ADGRL4: variants seen among roughly 807,000 people sequenced by gnomAD.
ADGRL4 encodes adhesion G protein-coupled receptor L4.
ADGRL4 carries 90 observed loss-of-function variants against 74.8 expected under a neutral mutation model. That is an observed-to-expected ratio of 1.20 (90% confidence interval 1.02 to 1.43). The LOEUF is 1.43. Ranked by LOEUF, ADGRL4 falls within the 40% of genes most tolerant of loss-of-function variation. The pLI, the probability that ADGRL4 is intolerant of heterozygous loss-of-function variation, is 0.00. For missense variants in ADGRL4, 881 were observed against 814.3 expected, an observed-to-expected ratio of 1.08 and a Z score of -1.00; for synonymous variants, 311 against 279.2, an observed-to-expected ratio of 1.11 and a Z score of -1.14.
intron 2 of ADGRL4, among the ~76,000 whole-genome samples, chr1:78,979,521 C>G (rs916332904): frequency 6.6e-6 from 1 of 151,916 alleles, no homozygotes; most frequent in African/African-American, 2.4e-5. Context: ...ACAGAACTAC[C>G]ATTTCATCCA....
At chr1:79,004,139 A>C (rs954183329) in intron 2 of ADGRL4, among the ~76,000 whole-genome samples, 1 of 152,136 alleles carries the variant, frequency 6.6e-6, no homozygotes. Flanking sequence ...AACAATATAC[A>C]ATATCCTGGC....
rs1182672291 is a variant in ADGRL4, at chr1:78,999,842, A to AT, written c.172+5227_172+5228insA. Among the ~76,000 whole-genome samples the AT allele has an allele frequency of 1.9e-3, 275 of 147,332 alleles. 2 individuals carry two copies. The highest frequency in any genetic ancestry group is 7.2e-3 in the Admixed American group (105 of 14,634). ...TATCTATCTATCTATCTATCTATCTACCTACCTACCTACCTATCAACTTTA... is the reference window on the plus strand; with the variant it reads ...TATCTATCTATCTATCTATCTATCTATCCTACCTACCTACCTATCAACTTTA... On this transcript the variant is annotated intron_variant, in intron 2 of 14. Transcript: ENST00000370742.
Position 78,952,173 on chromosome 1 carries a change from G to A in ADGRL4, c.173-5747C>T, listed in dbSNP as rs72947648. On this transcript the variant is annotated intron_variant, in intron 2 of 14. Coordinates refer to ENST00000370742, the MANE Select transcript of ADGRL4 (RefSeq NM_022159.4). ...TTGATTATAACAACTTGAAATCTAT[G>A]GAACTTTAACAGCAGCATCACTCCT... Among the ~76,000 whole-genome samples, 916 of 151,998 alleles carry A rather than the reference G, an allele frequency of 6.0e-3. 10 individuals carry two copies. Among genetic ancestry groups the A allele is most frequent in the African/African-American group, 0.021 (863 of 41,474 alleles).
intron 12 of ADGRL4, among the ~76,000 whole-genome samples, chr1:78,902,896 AT>A (rs1264657903): frequency 1.3e-5 from 2 of 151,838 alleles, no homozygotes; most frequent in Non-Finnish European, 2.9e-5. Context: ...GAATGTGGTA[AT>A]TTTTCCTGTA....
intron 2 of ADGRL4, among the ~76,000 whole-genome samples, chr1:78,978,043 C>T (rs1355239488): frequency 6.6e-6 from 1 of 151,872 alleles, no homozygotes; most frequent in Non-Finnish European, 1.5e-5. Flanking sequence ...CACAGGCATT[C>T]CCCACTCTGC....
intron 2 of ADGRL4, among the ~76,000 whole-genome samples, chr1:78,963,245 A>G (rs1171415913): frequency 6.6e-6 from 1 of 152,216 alleles, no homozygotes; most frequent in African/African-American, 2.4e-5. Context: ...TCTTTCATAC[A>G]TACAAATTTT....
In ADGRL4 at chr1:78,891,055, A is replaced by T; in HGVS notation, c.*99T>A. 8.4e-7 allele frequency: 1 copy of T among 1,195,098 alleles called. No individual in the cohort carries two copies. The highest frequency in any genetic ancestry group is 1.2e-6 in the Non-Finnish European group (1 of 802,986). The allele number at this position is 1,195,098 out of a possible 1,614,324, so 74.0% of individuals were successfully genotyped here. On this transcript the variant is annotated 3_prime_UTR_variant, in exon 15 of 15. Transcript: ENST00000370742. Reference sequence around the variant, plus strand: ...TTAAAATACTTTTTGTCTAGTAGTTAATAATTGGATAATTTGATGAGTCAT... The same window carrying T: ...TTAAAATACTTTTTGTCTAGTAGTTTATAATTGGATAATTTGATGAGTCAT...
chr1:78,977,096 C>CA (rs1650301335), intron 2 of ADGRL4, among the ~76,000 whole-genome samples: 1 of 151,304 alleles, frequency 6.6e-6, no homozygotes, highest in Admixed American at 6.6e-5. Flanking sequence ...AGGGTGTTAG[C>CA]ATAAAAGTTA....
chr1:78,954,495 C>T (rs1218951596), intron 2 of ADGRL4, among the ~76,000 whole-genome samples: 1 of 152,088 alleles, frequency 6.6e-6, no homozygotes, highest in African/African-American at 2.4e-5. Flanking sequence ...AGTATATCAA[C>T]TGTTACACTA....
At chr1:78,999,132 T>C (rs1460052025) in intron 2 of ADGRL4, among the ~76,000 whole-genome samples, 1 of 152,180 alleles carries the variant, frequency 6.6e-6, no homozygotes, top group African/African-American at 2.4e-5. Flanking sequence ...AGGAGTTTAC[T>C]AAGAAGTGTG....
At chr1:78,942,122 C>T (rs1272031173) in intron 3 of ADGRL4, among the ~76,000 whole-genome samples, 3 of 140,012 alleles carry the variant, frequency 2.1e-5, no homozygotes, top group African/African-American at 8.1e-5. Flanking sequence ...ATGGCATGAA[C>T]CTGGGAGCAC....
intron 2 of ADGRL4, 70 bp downstream of exon 2, chr1:79,005,000 G>T: frequency 7.1e-7 from 1 of 1,416,668 alleles, no homozygotes; most frequent in Non-Finnish European, 9.6e-7. Context: ...GTTTCTGGAG[G>T]ACAGAAAAGC....
chr1:78,917,119 T>C (rs886792747), intron 12 of ADGRL4, among the ~76,000 whole-genome samples: 8 of 151,838 alleles, frequency 5.3e-5, no homozygotes, highest in African/African-American at 2.4e-5. Context: ...CACTTTATGA[T>C]GACAGGGTAC....
intron 7 of ADGRL4, among the ~76,000 whole-genome samples, chr1:78,934,626 A>G (rs750664984): frequency 6.6e-6 from 1 of 151,890 alleles, no homozygotes; most frequent in Non-Finnish European, 1.5e-5. Context: ...AACCTAAAGA[A>G]TGGGAGAAAA....
At position 78,923,179 on chromosome 1, in the gene ADGRL4, G is replaced by A. The variant is rs1353539253; in HGVS notation, c.1084-1393C>T. Among the ~76,000 whole-genome samples, 3 of 151,838 alleles carry A rather than the reference G, an allele frequency of 2.0e-5. No homozygotes were observed. In the South Asian group the frequency reaches 6.2e-4, roughly 31 times the overall value. On this transcript the variant is annotated intron_variant, in intron 8 of 14. Transcript: ENST00000370742. ...GGGCCTAATTCTAGAGAAAGTAGAG[G>A]GACTCAAGAATTGAGGAGCCAGACT...
chr1:78,971,090 T>C (rs1282055324), intron 2 of ADGRL4, among the ~76,000 whole-genome samples: 1 of 152,114 alleles, frequency 6.6e-6, no homozygotes, highest in Non-Finnish European at 1.5e-5. Context: ...AAACTCCAAA[T>C]GGTCATGCAG....
intron 2 of ADGRL4, among the ~76,000 whole-genome samples, chr1:79,000,238 G>A (rs1650814179): frequency 1.3e-5 from 2 of 152,044 alleles, no homozygotes; most frequent in Non-Finnish European, 2.9e-5. Context: ...GGTTACTTGG[G>A]AAAATCCAAA....
intron 2 of ADGRL4, among the ~76,000 whole-genome samples, chr1:78,999,735 T>G (rs1357185845): frequency 6.6e-6 from 1 of 152,140 alleles, no homozygotes; most frequent in Non-Finnish European, 1.5e-5. Flanking sequence ...TCAATTTTTA[T>G]TGTCATTGAT....
chr1:78,970,495 A>G (rs1444923031), intron 2 of ADGRL4, among the ~76,000 whole-genome samples: 1 of 152,150 alleles, frequency 6.6e-6, no homozygotes, highest in African/African-American at 2.4e-5. Flanking sequence ...TCATGGGTGC[A>G]AGCCACTTTG....
Sources: allele counts gnomAD v4.1 joint callset (sites outside exome capture counted in the v4.1 genomes callset), GRCh38; gene constraint gnomAD v4.1.1; transcripts MANE v1.5; gene names NCBI Gene and HGNC (gene_info 2026-07-23, HGNC 2026-07-21).